The following CWC27 variants were observed in gnomAD, a reference collection of about 807,000 sequenced individuals.
CWC27 encodes the protein spliceosome-associated protein CWC27 homolog.
Under a neutral mutation model 63.6 loss-of-function variants are expected in CWC27, and 47 were observed. That is an observed-to-expected ratio of 0.74 (90% CI 0.58 to 0.94). The LOEUF is 0.94. CWC27 is among the 40% of genes least tolerant of loss of function. The pLI is 0.00. For synonymous variants in CWC27, 175 were observed against 179.8 expected (o/e 0.97, Z 0.22); for missense variants, 495 against 554.3 (o/e 0.89, Z 1.07).
chr5:64,997,885 G>A (rs1749665386), intron 13 of CWC27, among the ~76,000 whole-genome samples: 1 of 152,180 alleles, frequency 6.6e-6, no homozygotes, highest in African/African-American at 2.4e-5. Context: ...AAGTTCTAAG[G>A]TTGTGATAAA....
In CWC27 at chr5:64,793,262, A is replaced by G. The variant is rs368344617; in HGVS notation, c.669+4242A>G. Among the ~76,000 whole-genome samples the G allele has an allele frequency of 2.5e-4, 38 of 152,188 alleles. No individual in the cohort carries two copies. In the South Asian group the frequency reaches 7.3e-3, roughly 29 times the overall value. On this transcript the variant is annotated intron_variant, in intron 7 of 13. Coordinates refer to ENST00000381070, the MANE Select transcript of CWC27 (RefSeq NM_005869.4). Reference sequence around the variant, plus strand: ...TACCCACCAACAACCCATTCTTCACATGCGATTGGATCTTGGCACACTGCA... The same window carrying G: ...TACCCACCAACAACCCATTCTTCACGTGCGATTGGATCTTGGCACACTGCA...
chr5:64,984,421 C>T (rs1749384757), intron 13 of CWC27, among the ~76,000 whole-genome samples: 1 of 152,152 alleles, frequency 6.6e-6, no homozygotes, highest in South Asian at 2.1e-4. Context: ...TGGCTATGTA[C>T]CATACTGTTA....
intron 11 of CWC27, among the ~76,000 whole-genome samples, chr5:64,922,129 A>G (rs1748009627): frequency 6.6e-6 from 1 of 152,146 alleles, no homozygotes; most frequent in Non-Finnish European, 1.5e-5. Context: ...TGTCTTACAT[A>G]GCTTCTCACT....
intron 5 of CWC27, 116 bp downstream of exon 5, chr5:64,785,695 A>AC: frequency 1.8e-6 from 1 of 553,360 alleles, no homozygotes; most frequent in South Asian, 3.1e-5. Flanking sequence ...ATCACAACTC[A>AC]AATTTTATCT....
At chr5:64,862,092 G>T (rs1414335403) in intron 10 of CWC27, among the ~76,000 whole-genome samples, 1 of 152,016 alleles carries the variant, frequency 6.6e-6, no homozygotes, top group Non-Finnish European at 1.5e-5. Context: ...CCATATAACA[G>T]AATCCTTTCT....
intron 11 of CWC27, among the ~76,000 whole-genome samples, chr5:64,923,053 A>G (rs1174253206): frequency 6.6e-6 from 1 of 152,176 alleles, no homozygotes; most frequent in Non-Finnish European, 1.5e-5. Context: ...TGCTGTGTGC[A>G]TAAGTGCTCT....
At chr5:64,996,777 A>C (rs1422384417) in intron 13 of CWC27, among the ~76,000 whole-genome samples, 1 of 152,166 alleles carries the variant, frequency 6.6e-6, no homozygotes, top group Non-Finnish European at 1.5e-5. Context: ...CTAGAAAAAA[A>C]ATCATTCCTA....
rs542965697 is a variant in CWC27, at chr5:64,972,063, A to G, written c.1152+251A>G. On this transcript the variant is annotated intron_variant, in intron 12 of 13. Coordinates refer to ENST00000381070, the MANE Select transcript of CWC27 (RefSeq NM_005869.4). The stretch of plus-strand genomic sequence containing the variant: ...AACCTGGTACTCCCATAGTAAGCAC[A>G]GGAACCTCATAAAGCCATGTATCCT... Among the ~76,000 whole-genome samples, 16 of 152,326 alleles carry G rather than the reference A, an allele frequency of 1.1e-4. No individual in the cohort carries two copies. In the South Asian group the frequency reaches 3.3e-3, roughly 32 times the overall value.
At chr5:64,850,190 C>G (rs1746100193) in intron 10 of CWC27, among the ~76,000 whole-genome samples, 2 of 131,130 alleles carry the variant, frequency 1.5e-5, no homozygotes, top group South Asian at 5.0e-4. Context: ...ACCTATACTA[C>G]AAAGTTGTAG....
chr5:64,927,198 A>G (rs1748133350), intron 11 of CWC27, among the ~76,000 whole-genome samples: 1 of 152,208 alleles, frequency 6.6e-6, no homozygotes, highest in South Asian at 2.1e-4. Flanking sequence ...AAATCTGGCA[A>G]GTATTCTACT....
chr5:65,017,919 C>A (rs1170018540), intron 13 of CWC27, among the ~76,000 whole-genome samples: 3 of 152,188 alleles, frequency 2.0e-5, no homozygotes, highest in African/African-American at 7.2e-5. Flanking sequence ...CAAGTGAAGA[C>A]TGAGGCAAAG....
At chr5:64,856,397 T>C (rs1746259211) in intron 10 of CWC27, among the ~76,000 whole-genome samples, 2 of 151,934 alleles carry the variant, frequency 1.3e-5, no homozygotes, top group South Asian at 4.1e-4. Context: ...CAATTTTCTG[T>C]ATTTATATTT....
chr5:64,996,875 C>T (rs1164147231), intron 13 of CWC27, among the ~76,000 whole-genome samples: 1 of 152,054 alleles, frequency 6.6e-6, no homozygotes, highest in Non-Finnish European at 1.5e-5. Context: ...ACCTAAGTAA[C>T]AGTTTCTCTA....
intron 12 of CWC27, among the ~76,000 whole-genome samples, chr5:64,974,142 G>A (rs1429037004): frequency 1.3e-5 from 2 of 151,872 alleles, no homozygotes; most frequent in African/African-American, 4.8e-5. Flanking sequence ...GGAGGCTAAG[G>A]CATGAGGATC....
In CWC27 at chr5:64,840,361, TTAAAAAAA is replaced by T. The variant is rs1203197718; in HGVS notation, c.938+35976_938+35983del. On this transcript the variant is annotated intron_variant, in intron 10 of 13. Coordinates refer to ENST00000381070, the MANE Select transcript of CWC27 (RefSeq NM_005869.4). ...CTTTGTGTGTTTTTATCCTTTTTCA[TTAAAAAAA>T]AAAAAAAAAAAAAAAAAAAAAAAAA... 4.7e-3 allele frequency among the ~76,000 whole-genome samples: 169 copies of T among 35,790 alleles called. 21 individuals carry two copies. The highest frequency in any genetic ancestry group is 6.9e-3 in the East Asian group (5 of 726). The allele number at this position is 35,790 out of a possible 152,430, so 23.5% of individuals were successfully genotyped here. A position where few individuals can be genotyped will look rare whatever the true frequency, so the allele number is the denominator to read the frequency against.
rs145846655 is a variant in CWC27 at position 64,792,280 on chromosome 5, G to A, written c.669+3260G>A. On this transcript the variant is annotated intron_variant, in intron 7 of 13. Transcript: ENST00000381070. ...ACCCACTAAATTAGAATTTCCAAGC[G>A]AGGGGCCTGGGAAGCTGTACTTTTA... Among the ~76,000 whole-genome samples the A allele has an allele frequency of 2.1e-4, 32 of 152,202 alleles. No homozygotes were observed. The East Asian group carries it at 5.2e-3, about 25-fold the overall frequency.
intron 10 of CWC27, among the ~76,000 whole-genome samples, chr5:64,822,873 G>A (rs1745246569): frequency 6.6e-6 from 1 of 152,140 alleles, no homozygotes; most frequent in African/African-American, 2.4e-5. Flanking sequence ...ATTTGAAAAT[G>A]AATATCAAAT....
intron 11 of CWC27, among the ~76,000 whole-genome samples, chr5:64,908,654 T>C (rs531332872): frequency 6.6e-6 from 1 of 152,342 alleles, no homozygotes; most frequent in Non-Finnish European, 1.5e-5. Flanking sequence ...TCTTTGTCTC[T>C]TTTGATCTTT....
At chr5:64,943,406 G>A (rs190824058) in intron 11 of CWC27, among the ~76,000 whole-genome samples, 2 of 152,276 alleles carry the variant, frequency 1.3e-5, no homozygotes, top group Admixed American at 6.5e-5. Flanking sequence ...GCATTTCAAA[G>A]GCAAGGGTAG....
Sources: allele counts gnomAD v4.1 joint callset (sites outside exome capture counted in the v4.1 genomes callset), GRCh38; gene constraint gnomAD v4.1.1; transcripts MANE v1.5; gene names NCBI Gene and HGNC (gene_info 2026-07-23, HGNC 2026-07-21).